The following INSL6 variants were observed in gnomAD, a reference collection of about 807,000 sequenced individuals.
INSL6 encodes insulin-like peptide INSL6.
A neutral mutation model predicts 9.4 loss-of-function variants in INSL6; 16 were observed. The observed-to-expected ratio is 1.70, with a 90% confidence interval of 1.15 to 2.59. INSL6 has a LOEUF of 2.59. Ranked by LOEUF, INSL6 falls within the 30% of genes most tolerant of loss-of-function variation. The probability of loss-of-function intolerance (pLI) is 0.00; values close to 1 mark genes in which losing one functional copy is unlikely to be tolerated. For synonymous variants in INSL6, 154 were observed against 96.9 expected (o/e 1.59, Z -3.46); for missense variants, 391 against 257.3 (o/e 1.52, Z -3.56).
intron 2 of INSL6, among the ~76,000 whole-genome samples, chr9:5,141,202 T>A (rs1388746861): frequency 2.0e-5 from 3 of 152,160 alleles, no homozygotes; most frequent in Non-Finnish European, 2.9e-5. Flanking sequence ...ATGATTTATA[T>A]TTCTTTGTGT....
the INSL6 span, chr9:5,090,534 C>T: frequency 1.8e-4 from 282 of 1,596,730 alleles, no homozygotes; most frequent in African/African-American, 3.4e-3. Flanking sequence ...GGATAGATCA[C>T]ATAAAACTTC....
At chr9:5,099,477 A>G in the INSL6 span, 1 of 152,218 alleles carries the variant, frequency 6.6e-6, no homozygotes. Context: ...TCCATTATTC[A>G]GTTAAAATTA....
chr9:5,031,271 A>G, the INSL6 span, among the ~76,000 whole-genome samples: 1 of 152,218 alleles, frequency 6.6e-6, no homozygotes, highest in East Asian at 1.9e-4. Context: ...TTACCTGGCA[A>G]TTGTAAAATA....
chr9:5,060,081 T>A, the INSL6 span, among the ~76,000 whole-genome samples: 2 of 152,230 alleles, frequency 1.3e-5, no homozygotes, highest in African/African-American at 4.8e-5. Flanking sequence ...AAAGTTATGT[T>A]TACACTATAA....
At chr9:5,061,503 T>G in the INSL6 span, among the ~76,000 whole-genome samples, 1 of 152,254 alleles carries the variant, frequency 6.6e-6, no homozygotes, top group Non-Finnish European at 1.5e-5. Context: ...TTAAACCTCA[T>G]GAACCAACCT....
the INSL6 span, among the ~76,000 whole-genome samples, chr9:5,051,090 C>T: frequency 6.6e-5 from 10 of 152,040 alleles, no homozygotes; most frequent in Admixed American, 6.6e-4. Flanking sequence ...TGTTGACGTT[C>T]AAAAAGTTCT....
the INSL6 span, among the ~76,000 whole-genome samples, chr9:5,031,912 G>A: frequency 6.6e-6 from 1 of 152,234 alleles, no homozygotes; most frequent in African/African-American, 2.4e-5. Flanking sequence ...GAAAGTGAGT[G>A]TAGGACAGTG....
At chr9:5,070,566 A>C in the INSL6 span, among the ~76,000 whole-genome samples, 3 of 151,976 alleles carry the variant, frequency 2.0e-5, no homozygotes, top group African/African-American at 7.2e-5. Context: ...TTTTTAAATA[A>C]CTAATTATTT....
chr9:5,127,675 A>G (rs1454200001), intron 3 of INSL6: 6 of 232,212 alleles, frequency 2.6e-5, no homozygotes, highest in African/African-American at 8.8e-5. Flanking sequence ...CTGACTGCCA[A>G]TAACATTCTT....
intron 2 of INSL6, among the ~76,000 whole-genome samples, chr9:5,150,669 A>G (rs1824692648): frequency 6.6e-6 from 1 of 152,176 alleles, no homozygotes; most frequent in Non-Finnish European, 1.5e-5. Flanking sequence ...AAGACTTCCC[A>G]GAAAACTAAA....
chr9:5,007,513 T>C, the INSL6 span, among the ~76,000 whole-genome samples: 1 of 152,010 alleles, frequency 6.6e-6, no homozygotes, highest in African/African-American at 2.4e-5. Flanking sequence ...AATGCATACG[T>C]GAGTTTTTTT....
At chr9:5,122,147 T>G (rs866286508), downstream of INSL6, among the ~76,000 whole-genome samples, 1 of 152,076 alleles carries the variant, frequency 6.6e-6, no homozygotes, top group Non-Finnish European at 1.5e-5. Context: ...AAATGGGATT[T>G]TGAAGGAGAG....
At chr9:5,156,785 T>C (rs1056899656) in intron 2 of INSL6, among the ~76,000 whole-genome samples, 2 of 152,166 alleles carry the variant, frequency 1.3e-5, no homozygotes, top group African/African-American at 2.4e-5. Context: ...CCAAGCAATC[T>C]AATGAAATAT....
the INSL6 span, chr9:5,081,937 A>G: frequency 2.5e-6 from 3 of 1,200,878 alleles, no homozygotes; most frequent in Non-Finnish European, 3.6e-6. Flanking sequence ...TCTAAAGTTC[A>G]CTTTCTACAA....
the INSL6 span, among the ~76,000 whole-genome samples, chr9:5,027,824 G>A: frequency 6.6e-6 from 1 of 152,164 alleles, no homozygotes; most frequent in Non-Finnish European, 1.5e-5. Flanking sequence ...ATATGTCCAA[G>A]TTTTATCGTG....
the INSL6 span, among the ~76,000 whole-genome samples, chr9:5,076,987 T>C: frequency 3.0e-4 from 45 of 151,986 alleles, no homozygotes; most frequent in Admixed American, 3.0e-3. Flanking sequence ...CATTTCTGTA[T>C]TTTTTGCAGA....
intron 2 of INSL6, among the ~76,000 whole-genome samples, chr9:5,156,809 G>A (rs1306800889): frequency 6.6e-6 from 1 of 151,988 alleles, no homozygotes; most frequent in East Asian, 1.9e-4. Context: ...CAAGTTACAA[G>A]AATAAGTGAA....
intron 3 of INSL6, among the ~76,000 whole-genome samples, chr9:5,128,601 T>C (rs1465353637): frequency 1.3e-5 from 2 of 151,974 alleles, no homozygotes; most frequent in Non-Finnish European, 2.9e-5. Flanking sequence ...CTAACTTTTC[T>C]TAAACATTTT....
chr9:5,050,846 C>G, the INSL6 span: 2 of 1,600,488 alleles, frequency 1.2e-6, no homozygotes, highest in South Asian at 2.2e-5. Context: ...TTTTCTTTTG[C>G]AAATCCTTAC....
Sources: allele counts gnomAD v4.1 joint callset (sites outside exome capture counted in the v4.1 genomes callset), GRCh38; gene constraint gnomAD v4.1.1; transcripts MANE v1.5; gene names NCBI Gene and HGNC (gene_info 2026-07-23, HGNC 2026-07-21).